COL16A1: variants seen among roughly 807,000 people sequenced by gnomAD.
COL16A1 encodes the protein collagen type XVI alpha 1 chain.
A neutral mutation model predicts 266.3 loss-of-function variants in COL16A1; 189 were observed. The ratio of observed to expected loss-of-function variants is 0.71; its 90% CI spans 0.63 to 0.80. The LOEUF is 0.80. Ranked by LOEUF, COL16A1 falls within the 30% of genes least tolerant of loss-of-function variation. The pLI is 0.00. For synonymous variants in COL16A1, 740 were observed against 782.3 expected (o/e 0.95, Z 0.90); for missense variants, 1,928 against 2,122.4 (o/e 0.91, Z 1.80).
Position 31,672,514 on chromosome 1 carries a change from T to A in COL16A1, c.3019-12A>T. 1 of 1,614,034 alleles carries A rather than the reference T, an allele frequency of 6.2e-7. No homozygotes were observed. Among genetic ancestry groups the A allele is most frequent in the Non-Finnish European group, 8.5e-7 (1 of 1,179,960 alleles). On this transcript the variant is annotated splice_polypyrimidine_tract_variant and intron_variant, in intron 46 of 70. Coordinates refer to ENST00000373672, the MANE Select transcript of COL16A1 (RefSeq NM_001856.4). ...TCACTGTTGTCACCCTGGAGAAGGA[T>A]GGAGACGGTGATAGTGAGCAGTCAG... is the stretch of plus-strand genomic sequence containing the variant.
chr1:31,688,166 C>T lies in COL16A1; in HGVS notation c.1803+301G>A, dbSNP rs1012043192. Reference sequence around the variant, plus strand: ...TACTTACAAGATTTGGAATAGTGCCCGGCACATCATAAGCAATAAAGAAGT... The same window carrying T: ...TACTTACAAGATTTGGAATAGTGCCTGGCACATCATAAGCAATAAAGAAGT... On this transcript the variant is annotated intron_variant, in intron 26 of 70. Transcript: ENST00000373672. The surrounding 1 kb of genome is among the most constrained non-coding windows in gnomAD (Gnocchi z 4.9). Among the ~76,000 whole-genome samples, 2 of 151,986 alleles carry T rather than the reference C, an allele frequency of 1.3e-5. No homozygotes were observed. Among genetic ancestry groups the T allele is most frequent in the African/African-American group, 2.4e-5 (1 of 41,364 alleles).
Position 31,653,600 on chromosome 1 carries a change from T to TG in COL16A1, c.4610dup (p.Gly1538ArgfsTer42). The TG allele has an allele frequency of 1.2e-6, 2 of 1,613,390 alleles. No individual in the cohort carries two copies. Among genetic ancestry groups the TG allele is most frequent in the Non-Finnish European group, 1.7e-6 (2 of 1,179,574 alleles). ...GTCTCAAATGGTGGTATTTCCTACC[T>TG]GGGGGGCCGGGAAGACCATTTTCTC... On this transcript the variant is annotated frameshift_variant and splice_region_variant, in exon 70 of 71. Coordinates refer to ENST00000373672, the MANE Select transcript of COL16A1 (RefSeq NM_001856.4). LOFTEE classifies it high-confidence loss of function.
In COL16A1 at chr1:31,654,227, G is replaced by A. The variant is rs142404474; in HGVS notation, c.4358-184C>T. ...GTTCCCACGTCCTGGCCTCCACGTC[G>A]CTCCCCATGGAGATCCTTCCAAAGC... On this transcript the variant is annotated intron_variant, in intron 68 of 70. Coordinates refer to ENST00000373672, the MANE Select transcript of COL16A1 (RefSeq NM_001856.4). Among the ~76,000 whole-genome samples, 337 of 152,278 alleles carry A rather than the reference G, an allele frequency of 2.2e-3. 2 individuals are homozygous for A. Among genetic ancestry groups the A allele is most frequent in the South Asian group, 7.5e-3 (36 of 4,826 alleles).
Position 31,688,730 on chromosome 1 carries a change from G to T in COL16A1, c.1767+131C>A. On this transcript the variant is annotated intron_variant, in intron 25 of 70. Transcript: ENST00000373672. The surrounding 1 kb of genome is among the most constrained non-coding windows in gnomAD (Gnocchi z 4.9). Reference sequence around the variant, plus strand: ...GACGGAGGGAGGGACCAGGAGACAGGCCTGGGACACCTGCCTCTTCCCCTC... The same window carrying T: ...GACGGAGGGAGGGACCAGGAGACAGTCCTGGGACACCTGCCTCTTCCCCTC... The T allele has an allele frequency of 8.8e-7, 1 of 1,133,336 alleles. No individual in the cohort carries two copies. Among genetic ancestry groups the T allele is most frequent in the Non-Finnish European group, 1.3e-6 (1 of 784,874 alleles). 70.2% of individuals were successfully genotyped at this position (1,133,336 alleles called of 1,614,324 possible). A position where few individuals can be genotyped will look rare whatever the true frequency, so the allele number is the denominator to read the frequency against.
chr1:31,662,577 A>C lies in COL16A1; in HGVS notation c.3627+10T>G, dbSNP rs750801053. 6.4e-7 allele frequency: 1 copy of C among 1,564,366 alleles called. No homozygotes were observed. Among genetic ancestry groups the C allele is most frequent in the Non-Finnish European group, 8.7e-7 (1 of 1,154,698 alleles). On this transcript the variant is annotated intron_variant, in intron 57 of 70. Coordinates refer to ENST00000373672, the MANE Select transcript of COL16A1 (RefSeq NM_001856.4). ...CACACGTCTGCCACGCTGAAAGGGC[A>C]CACACTCACCTGAATCCCAGGAGGT...
Position 31,670,762 on chromosome 1 carries a change from A to C in COL16A1, c.3151-116T>G. 1 of 823,002 alleles carries C rather than the reference A, an allele frequency of 1.2e-6. No homozygotes were observed. Among genetic ancestry groups the C allele is most frequent in the East Asian group, 3.4e-5 (1 of 29,530 alleles). The allele number at this position is 823,002 out of a possible 1,614,324, so 51.0% of individuals were successfully genotyped here. A position where few individuals can be genotyped will look rare whatever the true frequency, so the allele number is the denominator to read the frequency against. On this transcript the variant is annotated intron_variant, in intron 48 of 70. Coordinates refer to ENST00000373672, the MANE Select transcript of COL16A1 (RefSeq NM_001856.4). This position sits in a 1 kb window ranked among gnomAD's most constrained non-coding sequence, Gnocchi z 4.5. ...GAGAGGAGGTCATGGGAGTATTTTC[A>C]AGGCAGCTGGAAAAGAGACTCCTTG... is the stretch of plus-strand genomic sequence containing the variant.
chr1:31,669,981 A>C (rs1642507617), intron 49 of COL16A1: 1 of 152,390 alleles, frequency 6.6e-6, no homozygotes, highest in Non-Finnish European at 1.5e-5. Flanking sequence ...GGAAGCGAAG[A>C]GGAGGCAGCT....
chr1:31,663,871 G>A lies in COL16A1; in HGVS notation c.3556-1213C>T, dbSNP rs1245694540. The stretch of plus-strand genomic sequence containing the variant: ...GGCGGGGGGAGGCAAGCAGCATAGC[G>A]GGGAAGGTGGCTGCATTCTCCCAGT... On this transcript the variant is annotated intron_variant, in intron 56 of 70. Transcript: ENST00000373672. This position sits in a 1 kb window ranked among gnomAD's most constrained non-coding sequence, Gnocchi z 4.9. Among the ~76,000 whole-genome samples, 2 of 152,172 alleles carry A rather than the reference G, an allele frequency of 1.3e-5. No individual in the cohort carries two copies. Among genetic ancestry groups the A allele is most frequent in the African/African-American group, 2.4e-5 (1 of 41,430 alleles).
At chr1:31,658,802 G>A in intron 63 of COL16A1, 112 bp downstream of exon 63, 2 of 1,302,510 alleles carry the variant, frequency 1.5e-6, no homozygotes, top group East Asian at 5.0e-5. Context: ...CACCAGGGAA[G>A]GAGGGGATGA....
At chr1:31,655,644 A>C in intron 66 of COL16A1, 142 bp from the exon 67 acceptor site, 1 of 1,407,778 alleles carries the variant, frequency 7.1e-7, no homozygotes, top group Non-Finnish European at 9.6e-7. Context: ...ACTCCACCTC[A>C]CTGCCCCAGA....
rs891202000 is a variant in COL16A1, at chr1:31,660,684, C to T, written c.3826-46G>A. ...AAAAAATGACACTGAAACTGACTTG[C>T]TTGCACCATGTGGCTGTCGGATGGG... On this transcript the variant is annotated intron_variant, in intron 61 of 70. Coordinates refer to ENST00000373672, the MANE Select transcript of COL16A1 (RefSeq NM_001856.4). 6.2e-6 allele frequency: 10 copies of T among 1,611,394 alleles called. No homozygotes were observed. In the African/African-American group the frequency reaches 1.3e-4, roughly 22 times the overall value.
rs1482266426 is a variant in COL16A1 at position 31,661,065 on chromosome 1, C to T, written c.3825+1G>A. The T allele has an allele frequency of 1.9e-6, 3 of 1,563,396 alleles. No individual in the cohort carries two copies. The highest frequency in any genetic ancestry group is 2.6e-6 in the Non-Finnish European group (3 of 1,152,856). On this transcript the variant is annotated splice_donor_variant, in intron 61 of 70. Coordinates refer to ENST00000373672, the MANE Select transcript of COL16A1 (RefSeq NM_001856.4). LOFTEE classifies it high-confidence loss of function. ...CAGCCATGTGGATCCCTGGCCCTCACCTCTGCGCCAGGCCGGCCAGTGCTG... is the reference window on the plus strand; with the variant it reads ...CAGCCATGTGGATCCCTGGCCCTCATCTCTGCGCCAGGCCGGCCAGTGCTG...
chr1:31,698,245 C>G lies in COL16A1; in HGVS notation c.391-73G>C. 6.3e-7 allele frequency: 1 copy of G among 1,579,080 alleles called. No homozygotes were observed. Among genetic ancestry groups the G allele is most frequent in the Non-Finnish European group, 8.6e-7 (1 of 1,163,282 alleles). ...GTCACACCATGGGCACGTTCAGGGA[C>G]CTTGAACTCATTTCACAGGAGGGGA... is the stretch of plus-strand genomic sequence containing the variant. On this transcript the variant is annotated intron_variant, in intron 5 of 70. Transcript: ENST00000373672. This position sits in a 1 kb window ranked among gnomAD's most constrained non-coding sequence, Gnocchi z 4.1.
Position 31,689,036 on chromosome 1 carries a change from C to T in COL16A1, c.1656+14G>A. 6.2e-7 allele frequency: 1 copy of T among 1,613,920 alleles called. No individual in the cohort carries two copies. Among genetic ancestry groups the T allele is most frequent in the Admixed American group, 1.7e-5 (1 of 60,022 alleles). ...AGGCAGAGGAGGGCAGCCAGGAGAGCAGGGTTCCCTCACCTTCTCTCCTTT... is the reference window on the plus strand; with the variant it reads ...AGGCAGAGGAGGGCAGCCAGGAGAGTAGGGTTCCCTCACCTTCTCTCCTTT... On this transcript the variant is annotated intron_variant, in intron 24 of 70. Coordinates refer to ENST00000373672, the MANE Select transcript of COL16A1 (RefSeq NM_001856.4).
At chr1:31,693,507 G>A (rs1244764600) in intron 12 of COL16A1, among the ~76,000 whole-genome samples, 3 of 152,216 alleles carry the variant, frequency 2.0e-5, no homozygotes, top group Non-Finnish European at 4.4e-5. Flanking sequence ...AACCCATGCT[G>A]GCTGAGTGTC....
chr1:31,695,638 C>A (rs1229939436), intron 10 of COL16A1, 123 bp downstream of exon 10: 1 of 967,588 alleles, frequency 1.0e-6, no homozygotes, highest in South Asian at 1.4e-5. Context: ...GCATCAGGCC[C>A]TCAAGGAATG....
In COL16A1 at chr1:31,698,128, C is replaced by T. The variant is rs1644578806; in HGVS notation, c.435G>A (p.Arg145=). 6 of 1,613,824 alleles carry T rather than the reference C, an allele frequency of 3.7e-6. No individual in the cohort carries two copies. Among genetic ancestry groups the T allele is most frequent in the Non-Finnish European group, 4.2e-6 (5 of 1,180,036 alleles). ...VNSQERSLEL[R]AQGQDGDFVS... The stretch of plus-strand genomic sequence containing the variant: ...CAAAGTCGCCATCCTGGCCCTGGGC[C>T]CTGAGCTCCAGGCTCCGCTCTTGGC... The change falls in exon 6 of 71, where the codon AGG becomes AGA. Residue 145 remains arginine (R), a synonymous_variant. Coordinates refer to ENST00000373672, the MANE Select transcript of COL16A1 (RefSeq NM_001856.4). This position sits in a 1 kb window ranked among gnomAD's most constrained non-coding sequence, Gnocchi z 4.1.
chr1:31,698,585 G>C lies in COL16A1; in HGVS notation c.288C>G (p.Leu96=). ...TCAGCACCAGGGCAAACTCCTCCGG[G>C]AGACCCCGAGGGAATACTCTTCTGG... ...QPTRRVFPRG[L]PEEFALVLTL... The change falls in exon 5 of 71, where the codon CTC becomes CTG. Residue 96 remains leucine, a synonymous_variant. Coordinates refer to ENST00000373672, the MANE Select transcript of COL16A1 (RefSeq NM_001856.4). The surrounding 1 kb of genome is among the most constrained non-coding windows in gnomAD (Gnocchi z 4.1). 6.2e-7 allele frequency: 1 copy of C among 1,613,978 alleles called. No individual in the cohort carries two copies. Among genetic ancestry groups the C allele is most frequent in the Non-Finnish European group, 8.5e-7 (1 of 1,180,002 alleles).
chr1:31,660,667 A>G, intron 61 of COL16A1, 29 bp from the exon 62 acceptor site: 1 of 1,613,868 alleles, frequency 6.2e-7, no homozygotes, highest in East Asian at 2.2e-5. Flanking sequence ...GGAAAAAATG[A>G]CACTGAAACT....
Sources: allele counts gnomAD v4.1 joint callset (sites outside exome capture counted in the v4.1 genomes callset), GRCh38; gene constraint gnomAD v4.1.1; non-coding constraint Gnocchi (gnomAD v3.1); transcripts MANE v1.5; gene names NCBI Gene and HGNC (gene_info 2026-07-23, HGNC 2026-07-21).